HSPA13: variants seen among roughly 807,000 people sequenced by gnomAD.
HSPA13 encodes the protein heat shock protein family A (Hsp70) member 13, also known as heat shock 70 kDa protein 13.
HSPA13 carries 29 observed loss-of-function variants against 38.8 expected under a neutral mutation model. The ratio of observed to expected loss-of-function variants is 0.75; its 90% CI spans 0.56 to 1.02. HSPA13 has a LOEUF of 1.02. Among genes scored for constraint, HSPA13 ranks in the 50% least tolerant of loss-of-function variants. The pLI, the probability that HSPA13 is intolerant of heterozygous loss-of-function variation, is 0.00. For synonymous variants in HSPA13, 192 were observed against 205.3 expected (o/e 0.94, Z 0.56); for missense variants, 451 against 560.9 (o/e 0.80, Z 1.98).
At chr21:14,379,516 A>G (rs1212193043) in intron 2 of HSPA13, among the ~76,000 whole-genome samples, 1 of 152,182 alleles carries the variant, frequency 6.6e-6, no homozygotes, top group Admixed American at 6.5e-5. Flanking sequence ...CAGTGCCCAC[A>G]TGAAACAAAA....
chr21:14,377,479 A>G (rs927836442), intron 3 of HSPA13, among the ~76,000 whole-genome samples: 1 of 152,302 alleles, frequency 6.6e-6, no homozygotes, highest in Admixed American at 6.5e-5. Context: ...ATTGTGCTAT[A>G]GAGCTTTCAA....
rs539991892 is a variant in HSPA13 at position 14,374,172 on chromosome 21, T to C, written c.861A>G (p.Arg287=). Reference sequence around the variant, plus strand: ...TGACCATTTCCACAGCTTGTCTCAATCTGTGGATTTCCTCTTTCCTAGAGG... The same window carrying C: ...TGACCATTTCCACAGCTTGTCTCAACCTGTGGATTTCCTCTTTCCTAGAGG... The part of the protein sequence containing the change: ...FVPSRKEEIH[R]LRQAVEMVKL... The change falls in exon 5 of 5, where the codon AGA becomes AGG. Residue 287 remains arginine (R), a synonymous_variant. Transcript: ENST00000285667. 51 of 1,613,928 alleles carry C rather than the reference T, an allele frequency of 3.2e-5. 1 individual carries two copies. The South Asian group carries it at 4.5e-4, about 14-fold the overall frequency.
chr21:14,373,580 C>T lies in HSPA13; in HGVS notation c.*37G>A. The T allele has an allele frequency of 3.3e-6, 5 of 1,504,028 alleles. No individual in the cohort carries two copies. Among genetic ancestry groups the T allele is most frequent in the Non-Finnish European group, 4.5e-6 (5 of 1,103,266 alleles). The allele number at this position is 1,504,028 out of a possible 1,614,324, so 93.2% of individuals were successfully genotyped here. A position where few individuals can be genotyped will look rare whatever the true frequency, so the allele number is the denominator to read the frequency against. On this transcript the variant is annotated 3_prime_UTR_variant, in exon 5 of 5. Coordinates refer to ENST00000285667, the MANE Select transcript of HSPA13 (RefSeq NM_006948.5). ...AATCTGATAAATGGGAAGAGATCATCAGACAAGTTCACAAATAACCATTAT... is the reference window on the plus strand; with the variant it reads ...AATCTGATAAATGGGAAGAGATCATTAGACAAGTTCACAAATAACCATTAT...
chr21:14,374,332 T>C (rs749118894), intron 4 of HSPA13, 48 bp from the exon 5 acceptor site: 38 of 1,313,930 alleles, frequency 2.9e-5, no homozygotes, highest in Non-Finnish European at 3.6e-5. Flanking sequence ...TATGTGTGTA[T>C]GTATACACGT....
chr21:14,381,142 G>A, intron 2 of HSPA13, 61 bp downstream of exon 2: 1 of 1,249,336 alleles, frequency 8.0e-7, no homozygotes, highest in South Asian at 1.4e-5. Context: ...GTGACATGAA[G>A]CCAAAGCATT....
At chr21:14,375,425 T>A (rs2123523228) in intron 4 of HSPA13, among the ~76,000 whole-genome samples, 1 of 152,060 alleles carries the variant, frequency 6.6e-6, no homozygotes, top group East Asian at 1.9e-4. Flanking sequence ...AAGGATGCAT[T>A]ACACATTGGA....
intron 1 of HSPA13, among the ~76,000 whole-genome samples, chr21:14,382,257 A>G (rs2822648): frequency 0.45 from 68,915 of 151,988 alleles, 16,511 homozygotes; most frequent in Middle Eastern, 0.57. Context: ...TCTTGAAGAC[A>G]AGTTTCGTTC....
rs9981182 is a variant in HSPA13, at chr21:14,373,989, G to T, written c.1044C>A (p.Gly348=). ...DHRVNSGFGR[G]LSDKKSGESQ... ...TTTCTCCACTTTTCTTATCAGAAAG[G>T]CCACGTCCAAACCCACTGTTCACGC... Residue 348 remains glycine (G), a synonymous_variant, in exon 5 of 5, where the codon GGC becomes GGA. Coordinates refer to ENST00000285667, the MANE Select transcript of HSPA13 (RefSeq NM_006948.5). 2.4e-3 allele frequency: 3,920 copies of T among 1,614,102 alleles called. 78 individuals carry two copies. The African/African-American group carries it at 0.048, about 20-fold the overall frequency.
chr21:14,374,297 T>C lies in HSPA13; in HGVS notation c.749-13A>G. 6.3e-7 allele frequency: 1 copy of C among 1,592,584 alleles called. No individual in the cohort carries two copies. The stretch of plus-strand genomic sequence containing the variant: ...AGTTTATTGTTTCCTGAGTGAAAAA[T>C]AAAAGTTTAATATAGTTATGCATAT... On this transcript the variant is annotated splice_polypyrimidine_tract_variant and intron_variant, in intron 4 of 4. Coordinates refer to ENST00000285667, the MANE Select transcript of HSPA13 (RefSeq NM_006948.5).
At chr21:14,377,465 T>A (rs1476291040) in intron 3 of HSPA13, among the ~76,000 whole-genome samples, 1 of 152,216 alleles carries the variant, frequency 6.6e-6, no homozygotes, top group African/African-American at 2.4e-5. Context: ...AATACATATT[T>A]TATATTGTGC....
intron 2 of HSPA13, among the ~76,000 whole-genome samples, chr21:14,378,818 C>T (rs896536283): frequency 6.6e-6 from 1 of 151,888 alleles, no homozygotes; most frequent in Non-Finnish European, 1.5e-5. Context: ...CAGGGTTTCA[C>T]TATGTTGGCC....
intron 1 of HSPA13, among the ~76,000 whole-genome samples, chr21:14,382,028 G>C (rs1600807424): frequency 6.6e-6 from 1 of 152,016 alleles, no homozygotes; most frequent in East Asian, 1.9e-4. Flanking sequence ...TTCTCTCCTC[G>C]TATCTCACCT....
intron 3 of HSPA13, among the ~76,000 whole-genome samples, chr21:14,377,057 CGCTGCTA>C (rs940793241): frequency 2.0e-5 from 3 of 152,142 alleles, no homozygotes; most frequent in African/African-American, 7.2e-5. Context: ...TGGAGGAGGG[CGCTGCTA>C]GCATCTGGTG....
rs762556668 is a variant in HSPA13, at chr21:14,381,326, T to G, written c.243A>C (p.Gly81=). The G allele has an allele frequency of 6.2e-7, 1 of 1,614,156 alleles. No individual in the cohort carries two copies. Among genetic ancestry groups the G allele is most frequent in the South Asian group, 1.1e-5 (1 of 91,080 alleles). ...VSFTDNDVYV[G]YESVELADSN... ...AATCTGCCAGCTCTACGCTTTCATA[T>G]CCCACATATACATCATTGTCAGTAA... The change falls in exon 2 of 5, where the codon GGA becomes GGC. Residue 81 remains glycine (G), a synonymous_variant. Transcript: ENST00000285667.
At chr21:14,379,588 G>A (rs1006566766) in intron 2 of HSPA13, among the ~76,000 whole-genome samples, 2 of 152,090 alleles carry the variant, frequency 1.3e-5, no homozygotes, top group Non-Finnish European at 2.9e-5. Context: ...AATAAGTAAC[G>A]TACCCAAAGC....
At chr21:14,382,527 TAACTC>T (rs1482357789) in intron 1 of HSPA13, among the ~76,000 whole-genome samples, 3 of 152,094 alleles carry the variant, frequency 2.0e-5, no homozygotes, top group East Asian at 3.9e-4. Context: ...CATCAACACA[TAACTC>T]AAAGAAATAA....
chr21:14,382,037 C>T (rs898548317), intron 1 of HSPA13, among the ~76,000 whole-genome samples: 2 of 152,080 alleles, frequency 1.3e-5, no homozygotes, highest in Non-Finnish European at 2.9e-5. Context: ...CGTATCTCAC[C>T]TCCTTTTCCC....
Position 14,378,281 on chromosome 21 carries a change from T to C in HSPA13, c.498A>G (p.Pro166=). ...GTACAGAAATGACAGCATTGGCAACTGGCATTCCAAGATATGCCTCTGCCA... is the reference window on the plus strand; with the variant it reads ...GTACAGAAATGACAGCATTGGCAACCGGCATTCCAAGATATGCCTCTGCCA... ...KEMAEAYLGM[P]VANAVISVPA... The change falls in exon 3 of 5, where the codon CCA becomes CCG. Residue 166 remains proline (P), a synonymous_variant. Coordinates refer to ENST00000285667, the MANE Select transcript of HSPA13 (RefSeq NM_006948.5). The C allele has an allele frequency of 6.2e-7, 1 of 1,614,110 alleles. No individual in the cohort carries two copies. Among genetic ancestry groups the C allele is most frequent in the Admixed American group, 1.7e-5 (1 of 60,032 alleles).
rs762846032 is a variant in HSPA13, at chr21:14,381,220, C to T, written c.349G>A (p.Gly117Ser). The T allele has an allele frequency of 2.5e-6, 4 of 1,601,710 alleles. No individual in the cohort carries two copies. The South Asian group carries it at 3.3e-5, about 13-fold the overall frequency. Reference sequence around the variant, plus strand: ...TCACTTACCTTAAATGGGTATCTGCCAATTTCAGCCTCCAACTCTTCTGCG... The same window carrying T: ...TCACTTACCTTAAATGGGTATCTGCTAATTTCAGCCTCCAACTCTTCTGCG... ...FTAEELEAEI[G>S]RYPFKVLNKN... The change falls in exon 2 of 5, where the codon GGC (glycine) becomes AGC (serine). Residue 117 changes from glycine (G) to serine (S), a missense_variant. Gly to Ser is a moderately conservative substitution (Grantham distance 56). Coordinates refer to ENST00000285667, the MANE Select transcript of HSPA13 (RefSeq NM_006948.5).
Sources: allele counts gnomAD v4.1 joint callset (sites outside exome capture counted in the v4.1 genomes callset), GRCh38; gene constraint gnomAD v4.1.1; transcripts MANE v1.5; gene names NCBI Gene and HGNC (gene_info 2026-07-23, HGNC 2026-07-21).